The following LDB2 variants were observed in gnomAD, a reference collection of about 807,000 sequenced individuals.
LDB2 encodes the protein LIM domain binding 2, also known as LIM domain-binding protein 2.
A neutral mutation model predicts 44.3 loss-of-function variants in LDB2; 12 were observed. The observed-to-expected ratio is 0.27, with a 90% CI of 0.17 to 0.44. The LOEUF is 0.44. Among genes scored for constraint, LDB2 ranks in the 20% least tolerant of loss-of-function variants. LDB2 has a pLI of 1.00. For missense variants in LDB2, 344 were observed against 473.5 expected (o/e 0.73, Z 2.54); for synonymous variants, 164 against 174.8 (o/e 0.94, Z 0.49).
At chr4:16,863,828 T>G (rs1713643023) in intron 1 of LDB2, among the ~76,000 whole-genome samples, 1 of 152,048 alleles carries the variant, frequency 6.6e-6, no homozygotes, top group Non-Finnish European at 1.5e-5. Flanking sequence ...GCCCGGCTAA[T>G]TTTTTGTATT....
intron 1 of LDB2, among the ~76,000 whole-genome samples, chr4:16,834,709 C>T (rs1157000453): frequency 6.6e-6 from 1 of 152,072 alleles, no homozygotes; most frequent in Non-Finnish European, 1.5e-5. Flanking sequence ...TGCGTGTAAT[C>T]CCCTCTACTG....
chr4:16,695,310 C>A (rs1578849891), intron 2 of LDB2, among the ~76,000 whole-genome samples: 1 of 152,030 alleles, frequency 6.6e-6, no homozygotes, highest in African/African-American at 2.4e-5. Context: ...GTGGGCGGAT[C>A]ACCTGAGGTC....
At chr4:16,544,112 A>G (rs1734853637) in intron 5 of LDB2, among the ~76,000 whole-genome samples, 1 of 152,220 alleles carries the variant, frequency 6.6e-6, no homozygotes, top group East Asian at 1.9e-4. Context: ...GTTACACTTT[A>G]TGAAGGAAAA....
intron 5 of LDB2, among the ~76,000 whole-genome samples, chr4:16,553,693 T>A (rs891090280): frequency 7.2e-5 from 11 of 152,336 alleles, no homozygotes; most frequent in African/African-American, 2.4e-4. Flanking sequence ...TCTTAGGAAA[T>A]GTCCTGCCCT....
chr4:16,870,648 T>TTTA (rs1716282124), intron 1 of LDB2, among the ~76,000 whole-genome samples: 25 of 152,070 alleles, frequency 1.6e-4, no homozygotes, highest in Admixed American at 1.6e-3. Flanking sequence ...TATTTATTTA[T>TTTA]TTTAGATGGA....
intron 2 of LDB2, among the ~76,000 whole-genome samples, chr4:16,658,780 T>C (rs1460943797): frequency 1.3e-5 from 2 of 152,186 alleles, no homozygotes; most frequent in African/African-American, 4.8e-5. Context: ...GTTTTCCATG[T>C]TCCATGTCCT....
intron 5 of LDB2, among the ~76,000 whole-genome samples, chr4:16,549,344 A>G (rs1302521237): frequency 2.6e-5 from 4 of 152,236 alleles, no homozygotes; most frequent in Admixed American, 1.3e-4. Flanking sequence ...AACAAGACCA[A>G]CTTCACTGCT....
At chr4:16,745,102 A>G (rs898661941) in intron 2 of LDB2, among the ~76,000 whole-genome samples, 5 of 152,222 alleles carry the variant, frequency 3.3e-5, no homozygotes, top group Non-Finnish European at 7.3e-5. Flanking sequence ...ATTTGAAGCC[A>G]AGCTTGTCTG....
At chr4:16,554,024 T>C (rs1001962364) in intron 5 of LDB2, among the ~76,000 whole-genome samples, 4 of 151,978 alleles carry the variant, frequency 2.6e-5, no homozygotes, top group East Asian at 1.9e-4. Context: ...TGACATCCCA[T>C]TGGACGTATT....
chr4:16,558,296 A>T (rs917335031), intron 5 of LDB2, among the ~76,000 whole-genome samples: 1 of 152,170 alleles, frequency 6.6e-6, no homozygotes, highest in Non-Finnish European at 1.5e-5. Context: ...AAAGGCAAAG[A>T]AGTTAAAAAC....
chr4:16,543,853 C>T (rs1490363453), intron 5 of LDB2, among the ~76,000 whole-genome samples: 3 of 152,180 alleles, frequency 2.0e-5, no homozygotes. Flanking sequence ...AAAATTTTTA[C>T]AATCTACCCA....
At chr4:16,531,000 C>A (rs1309803773) in intron 5 of LDB2, among the ~76,000 whole-genome samples, 1 of 152,136 alleles carries the variant, frequency 6.6e-6, no homozygotes, top group Non-Finnish European at 1.5e-5. Flanking sequence ...TTTCAGAGAC[C>A]ATCATTGGTG....
intron 1 of LDB2, among the ~76,000 whole-genome samples, chr4:16,882,142 T>A (rs1174312860): frequency 6.6e-6 from 1 of 152,176 alleles, no homozygotes; most frequent in African/African-American, 2.4e-5. Context: ...CACCCTCAGT[T>A]ATAACTGGAG....
chr4:16,717,290 T>G (rs1757276928), intron 2 of LDB2, among the ~76,000 whole-genome samples: 1 of 152,068 alleles, frequency 6.6e-6, no homozygotes, highest in Admixed American at 6.6e-5. Flanking sequence ...GGGGAAACAA[T>G]AACTCTCGTT....
At chr4:16,812,858 T>C (rs1780165906) in intron 1 of LDB2, among the ~76,000 whole-genome samples, 1 of 152,026 alleles carries the variant, frequency 6.6e-6, no homozygotes, top group Non-Finnish European at 1.5e-5. Context: ...AAACGCTAAA[T>C]ATTATGCCAA....
chr4:16,735,456 C>T (rs1761699191), intron 2 of LDB2, among the ~76,000 whole-genome samples: 1 of 151,898 alleles, frequency 6.6e-6, no homozygotes, highest in Non-Finnish European at 1.5e-5. Context: ...AGTTAGTGCC[C>T]ACTGTGGGAG....
intron 2 of LDB2, among the ~76,000 whole-genome samples, chr4:16,650,366 T>C (rs1737931338): frequency 6.6e-6 from 1 of 152,108 alleles, no homozygotes; most frequent in East Asian, 1.9e-4. Context: ...CTTCTTGAGG[T>C]CTTGTTGGTT....
intron 5 of LDB2, among the ~76,000 whole-genome samples, chr4:16,537,380 C>T (rs1732218305): frequency 6.6e-6 from 1 of 152,224 alleles, no homozygotes; most frequent in Non-Finnish European, 1.5e-5. Flanking sequence ...CTACTGCTCT[C>T]TTGGAAAGAA....
rs1303331154 is a variant in LDB2 at position 16,536,950 on chromosome 4, C to T, written c.616-24846G>A. On this transcript the variant is annotated intron_variant, in intron 5 of 7. Coordinates refer to ENST00000304523, the MANE Select transcript of LDB2 (RefSeq NM_001290.5). ...GATGATGTAAATGAAGTGCTGGGCC[C>T]ACTCCAGTGCTGGTGCTTTGTCAAT... Among the ~76,000 whole-genome samples, 4 of 152,216 alleles carry T rather than the reference C, an allele frequency of 2.6e-5. No homozygotes were observed. The East Asian group carries it at 7.7e-4, about 29-fold the overall frequency.
Sources: allele counts gnomAD v4.1 joint callset (sites outside exome capture counted in the v4.1 genomes callset), GRCh38; gene constraint gnomAD v4.1.1; transcripts MANE v1.5; gene names NCBI Gene and HGNC (gene_info 2026-07-23, HGNC 2026-07-21).